Variants in DIS3L observed in about 807,000 individuals in gnomAD.
DIS3L encodes DIS3-like exonuclease 1.
Under a neutral mutation model 120.3 loss-of-function variants are expected in DIS3L, and 100 were observed. That is an observed-to-expected ratio of 0.83 (90% CI 0.71 to 0.98). DIS3L has a LOEUF of 0.98. Among genes scored for constraint, DIS3L ranks in the 50% least tolerant of loss-of-function variants. DIS3L has a pLI of 0.00. For missense variants in DIS3L, 1,196 were observed against 1,314.2 expected, an observed-to-expected ratio of 0.91 and a Z score of 1.39; for synonymous variants, 426 against 470.6, an observed-to-expected ratio of 0.91 and a Z score of 1.23.
chr15:66,322,043 T>C (rs1031921123), intron 9 of DIS3L, among the ~76,000 whole-genome samples: 1 of 152,218 alleles, frequency 6.6e-6, no homozygotes, highest in African/African-American at 2.4e-5. Flanking sequence ...TTTTACATCA[T>C]TAAATTTTTA....
chr15:66,310,991 T>C (rs1313811488), intron 4 of DIS3L, among the ~76,000 whole-genome samples: 2 of 137,184 alleles, frequency 1.5e-5, no homozygotes, highest in African/African-American at 2.8e-5. Context: ...GCAAGACCAG[T>C]GAGCCAAGAT....
chr15:66,306,941 G>C lies in DIS3L; in HGVS notation c.411G>C (p.Lys137Asn). ...GGGAAAGAGGAGAGTCCATGGAGAAGTGGCAGACCAGGTATGGCCCTGACT... is the reference window on the plus strand; with the variant it reads ...GGGAAAGAGGAGAGTCCATGGAGAACTGGCAGACCAGGTATGGCCCTGACT... ...LPRERGESME[K>N]WQTRSIYNAA... The change falls in exon 3 of 17, where the codon AAG (lysine) becomes AAC (asparagine). Residue 137 changes from lysine to asparagine, a missense_variant. By Grantham distance (94) the Lys-to-Asn change is moderately conservative (BLOSUM62 0). Coordinates refer to ENST00000319212, the MANE Select transcript of DIS3L (RefSeq NM_001143688.3). 6.2e-7 allele frequency: 1 copy of C among 1,614,148 alleles called. No homozygotes were observed. The highest frequency in any genetic ancestry group is 8.5e-7 in the Non-Finnish European group (1 of 1,179,988).
At chr15:66,312,815 T>G (rs959481833) in intron 5 of DIS3L, among the ~76,000 whole-genome samples, 1 of 152,162 alleles carries the variant, frequency 6.6e-6, no homozygotes, top group Non-Finnish European at 1.5e-5. Context: ...ATTTTGCATT[T>G]CTAATGAGCA....
intron 2 of DIS3L, among the ~76,000 whole-genome samples, chr15:66,296,892 G>GT (rs1256550919): frequency 6.6e-6 from 1 of 152,204 alleles, no homozygotes; most frequent in East Asian, 1.9e-4. Context: ...AAACAAGACA[G>GT]TTATTATGAA....
chr15:66,329,378 A>G lies in DIS3L; in HGVS notation c.2514A>G (p.Arg838=). 1 of 1,606,140 alleles carries G rather than the reference A, an allele frequency of 6.2e-7. No individual in the cohort carries two copies. Among genetic ancestry groups the G allele is most frequent in the South Asian group, 1.1e-5 (1 of 88,622 alleles). Residue 838 remains arginine (R), a synonymous_variant, in exon 14 of 17, where the codon AGA becomes AGG. Transcript: ENST00000319212. ...FSNKDLEELC[R]HINNRNQAAQ... ...ACAAAGATCTTGAGGAATTATGCAG[A>G]CATATCAACAACAGAAACCAAGTAA...
At position 66,310,030 on chromosome 15, in the gene DIS3L, G is replaced by A. The variant is rs573729742; in HGVS notation, c.558+1186G>A. ...ATGACTGTTAATCTCTCAACAGATC[G>A]CTGGTCGCTTCTGTCTGCCCAGCTG... is the stretch of plus-strand genomic sequence containing the variant. On this transcript the variant is annotated intron_variant, in intron 4 of 16. Transcript: ENST00000319212. 2.0e-5 allele frequency among the ~76,000 whole-genome samples: 3 copies of A among 152,206 alleles called. No homozygotes were observed. In the South Asian group the frequency reaches 6.2e-4, roughly 32 times the overall value.
At chr15:66,332,485 AGTGTGT>A (rs778480622) in intron 15 of DIS3L, among the ~76,000 whole-genome samples, 268 of 109,778 alleles carry the variant, frequency 2.4e-3, no homozygotes, top group Admixed American at 5.1e-3. Context: ...TGAAGACTGG[AGTGTGT>A]GTGTGTGTGT....
At chr15:66,307,824 C>T (rs2092716734) in intron 3 of DIS3L, among the ~76,000 whole-genome samples, 1 of 152,086 alleles carries the variant, frequency 6.6e-6, no homozygotes, top group South Asian at 2.1e-4. Context: ...GAAGGATGTG[C>T]TGCTGCTGTA....
chr15:66,308,971 G>A (rs895886077), intron 4 of DIS3L, 127 bp downstream of exon 4: 12 of 1,061,784 alleles, frequency 1.1e-5, no homozygotes, highest in Admixed American at 2.6e-5. Flanking sequence ...TTGGCCAGGC[G>A]TGGTGGCTCA....
At chr15:66,313,729 C>T (rs66951049) in intron 5 of DIS3L, among the ~76,000 whole-genome samples, 9,160 of 149,128 alleles carry the variant, frequency 0.061, 369 homozygotes, top group Middle Eastern at 0.11. Context: ...AACTCCATCT[C>T]GACAAAAAGA....
At chr15:66,294,431 C>T (rs2092562918) in intron 1 of DIS3L, 1 of 985,798 alleles carries the variant, frequency 1.0e-6, no homozygotes, top group South Asian at 4.7e-5. Flanking sequence ...GTGGAATCCT[C>T]CAAACATTGT....
rs200501486 is a variant in DIS3L at position 66,323,530 on chromosome 15, A to G, written c.1612A>G (p.Met538Val). The change falls in exon 11 of 17, where the codon ATG becomes GTG. Residue 538 changes from methionine (M) to valine (V), a missense_variant. Met to Val is a conservative substitution (Grantham distance 21, BLOSUM62 1). Transcript: ENST00000319212. ...TTATCTAGCAGATCGTCGCTATGAC[A>G]TGCTGCCTTCCGTCCTCAGTGCAGA... ...TYYLADRRYD[M>V]LPSVLSADLC... The G allele has an allele frequency of 3.1e-6, 5 of 1,614,268 alleles. No individual in the cohort carries two copies. Among genetic ancestry groups the G allele is most frequent in the Non-Finnish European group, 4.2e-6 (5 of 1,180,048 alleles).
Position 66,332,000 on chromosome 15 carries a change from T to A in DIS3L, c.2661T>A (p.Gly887=). The A allele has an allele frequency of 6.2e-7, 1 of 1,610,682 alleles. No homozygotes were observed. The highest frequency in any genetic ancestry group is 8.5e-7 in the Non-Finnish European group (1 of 1,179,230). ...DGVIYSIRTN[G]VLLFIPRFGI... ...TTATTTATTCAATTAGAACAAATGG[T>A]GTGCTTCTATTTATACCAAGGTATG... Residue 887 remains glycine (G), a synonymous_variant, in exon 15 of 17, where the codon GGT becomes GGA. Coordinates refer to ENST00000319212, the MANE Select transcript of DIS3L (RefSeq NM_001143688.3).
At chr15:66,293,556 GCCGCGCCCGCCACT>G (rs1319945841) in exon 1 of DIS3L, 38 of 1,389,900 alleles carry the variant, frequency 2.7e-5, no homozygotes, top group East Asian at 6.8e-5. Context: ...CCTTGCCTCC[GCCGCGCCCGCCACT>G]CCGCGGCCGC....
At chr15:66,318,348 C>A in intron 7 of DIS3L, 101 bp from the exon 8 acceptor site, 4 of 1,294,072 alleles carry the variant, frequency 3.1e-6, no homozygotes, top group Non-Finnish European at 4.2e-6. Flanking sequence ...AAAAATAGGA[C>A]ACTGTATTTC....
At position 66,333,096 on chromosome 15, in the gene DIS3L, A is replaced by G; in HGVS notation, c.2949A>G (p.Glu983=). The G allele has an allele frequency of 6.2e-7, 1 of 1,613,418 alleles. No individual in the cohort carries two copies. The change falls in exon 17 of 17, where the codon GAA becomes GAG. Residue 983 remains glutamate, a synonymous_variant. Coordinates refer to ENST00000319212, the MANE Select transcript of DIS3L (RefSeq NM_001143688.3). ...SNKPYKIPNT[E]LIHQSSPLLK... Reference sequence around the variant, plus strand: ...AACCATACAAGATACCAAATACAGAACTTATTCATCAGAGTTCCCCCTTGC... The same window carrying G: ...AACCATACAAGATACCAAATACAGAGCTTATTCATCAGAGTTCCCCCTTGC...
At position 66,315,027 on chromosome 15, in the gene DIS3L, C is replaced by A. The variant is rs1043938615; in HGVS notation, c.815-9C>A. ...TTTATGGGTTTTTTCTGTGCTGCCC[C>A]AAACACAGATTTAGTCAGTGACATC... On this transcript the variant is annotated splice_polypyrimidine_tract_variant and intron_variant, in intron 6 of 16. Transcript: ENST00000319212. The A allele has an allele frequency of 6.2e-7, 1 of 1,612,918 alleles. No homozygotes were observed. The highest frequency in any genetic ancestry group is 1.3e-5 in the African/African-American group (1 of 75,008).
intron 2 of DIS3L, among the ~76,000 whole-genome samples, chr15:66,306,364 A>G (rs1005917719): frequency 3.9e-5 from 6 of 152,222 alleles, no homozygotes; most frequent in African/African-American, 1.4e-4. Flanking sequence ...AAACTTATTT[A>G]CCTTACATGT....
upstream of DIS3L, chr15:66,293,559 G>T: frequency 2.9e-6 from 4 of 1,397,664 alleles, no homozygotes; most frequent in South Asian, 1.4e-5. Flanking sequence ...TGCCTCCGCC[G>T]CGCCCGCCAC....
Sources: allele counts gnomAD v4.1 joint callset (sites outside exome capture counted in the v4.1 genomes callset), GRCh38; gene constraint gnomAD v4.1.1; transcripts MANE v1.5; gene names NCBI Gene and HGNC (gene_info 2026-07-23, HGNC 2026-07-21).